The following CCDC148 variants were observed in gnomAD, a reference collection of about 807,000 sequenced individuals.
CCDC148 encodes the protein coiled-coil domain-containing protein 148.
A neutral mutation model predicts 85.7 loss-of-function variants in CCDC148; 89 were observed. The observed-to-expected ratio is 1.04, with a 90% CI of 0.87 to 1.24. The LOEUF is 1.24. CCDC148 is among the 50% of genes most tolerant of loss of function. The pLI is 0.00. For synonymous variants in CCDC148, 230 were observed against 213.9 expected (o/e 1.08, Z -0.66); for missense variants, 692 against 671.7 (o/e 1.03, Z -0.33).
At chr2:158,383,024 G>A (rs1418424809) in intron 1 of CCDC148, among the ~76,000 whole-genome samples, 1 of 151,806 alleles carries the variant, frequency 6.6e-6, no homozygotes, top group Non-Finnish European at 1.5e-5. Flanking sequence ...CATAGGCTGG[G>A]TGCAGTGGCT....
chr2:158,287,232 T>G (rs1244654604), intron 9 of CCDC148, among the ~76,000 whole-genome samples: 1 of 151,978 alleles, frequency 6.6e-6, no homozygotes, highest in African/African-American at 2.4e-5. Context: ...AAGTTGAGAT[T>G]TGGGTGGGGA....
intron 11 of CCDC148, among the ~76,000 whole-genome samples, chr2:158,189,980 G>T (rs1685342775): frequency 6.6e-6 from 1 of 151,952 alleles, no homozygotes; most frequent in African/African-American, 2.4e-5. Flanking sequence ...TAAGCTGTAG[G>T]TAAATAACAG....
chr2:158,329,744 T>A (rs1408687896), intron 7 of CCDC148, among the ~76,000 whole-genome samples: 1 of 152,108 alleles, frequency 6.6e-6, no homozygotes, highest in Non-Finnish European at 1.5e-5. Flanking sequence ...TAAGTTGGAT[T>A]CCTAGGTATT....
intron 9 of CCDC148, among the ~76,000 whole-genome samples, chr2:158,270,418 T>C (rs1335553144): frequency 3.3e-5 from 5 of 152,102 alleles, no homozygotes; most frequent in Non-Finnish European, 7.4e-5. Flanking sequence ...CACAAGCAAA[T>C]AGCAAAGGAT....
At chr2:158,243,854 T>C (rs371866871) in intron 10 of CCDC148, among the ~76,000 whole-genome samples, 1 of 151,846 alleles carries the variant, frequency 6.6e-6, no homozygotes, top group Non-Finnish European at 1.5e-5. Flanking sequence ...TTCTTTTTAC[T>C]ATAAGCAGCA....
At chr2:158,352,342 A>G (rs1002722955) in intron 2 of CCDC148, among the ~76,000 whole-genome samples, 1 of 152,114 alleles carries the variant, frequency 6.6e-6, no homozygotes, top group African/African-American at 2.4e-5. Context: ...AATTTAGAAG[A>G]ATGTATAACT....
At chr2:158,179,020 G>T (rs1166297292) in intron 11 of CCDC148, 24 bp from the exon 12 acceptor site, 1 of 1,542,088 alleles carries the variant, frequency 6.5e-7, no homozygotes. Flanking sequence ...ACAGAAGGAA[G>T]TTGTGGAAGC....
chr2:158,275,565 G>A (rs1264802345), intron 9 of CCDC148, among the ~76,000 whole-genome samples: 1 of 152,144 alleles, frequency 6.6e-6, no homozygotes, highest in African/African-American at 2.4e-5. Context: ...GAGGCCTAAC[G>A]GTTCTGTGGC....
intron 11 of CCDC148, among the ~76,000 whole-genome samples, chr2:158,193,481 AT>A (rs1202387486): frequency 6.6e-6 from 1 of 151,358 alleles, no homozygotes; most frequent in Admixed American, 6.6e-5. Flanking sequence ...AGCTCACAGT[AT>A]TTTTTTTTAA....
intron 11 of CCDC148, among the ~76,000 whole-genome samples, chr2:158,189,596 G>A (rs1685322833): frequency 6.6e-6 from 1 of 151,890 alleles, no homozygotes; most frequent in Admixed American, 6.6e-5. Flanking sequence ...ATGGTGGAGT[G>A]CATTATGAAT....
chr2:158,429,952 T>C (rs1277850888), intron 1 of CCDC148, among the ~76,000 whole-genome samples: 2 of 152,148 alleles, frequency 1.3e-5, no homozygotes, highest in African/African-American at 4.8e-5. Flanking sequence ...GTCAGGGAAG[T>C]GAAGGCATCT....
chr2:158,311,278 C>A (rs185393251), intron 8 of CCDC148, among the ~76,000 whole-genome samples: 1 of 152,304 alleles, frequency 6.6e-6, no homozygotes, highest in Admixed American at 6.5e-5. Flanking sequence ...GAGACCAGCC[C>A]GGCCAACACG....
intron 11 of CCDC148, among the ~76,000 whole-genome samples, chr2:158,194,446 A>G (rs1685569431): frequency 6.6e-6 from 1 of 152,152 alleles, no homozygotes; most frequent in African/African-American, 2.4e-5. Flanking sequence ...CTGTCTCACC[A>G]GCAGGGGCCC....
intron 3 of CCDC148, among the ~76,000 whole-genome samples, chr2:158,344,028 C>T (rs748544053): frequency 9.9e-5 from 15 of 151,980 alleles, no homozygotes; most frequent in East Asian, 1.9e-4. Flanking sequence ...TTAAGAAAGA[C>T]GTGGAATAGC....
chr2:158,402,821 G>A (rs1685841776), intron 1 of CCDC148, among the ~76,000 whole-genome samples: 1 of 152,054 alleles, frequency 6.6e-6, no homozygotes. Context: ...TTTCAGGGCT[G>A]ATTAGAAAGT....
At chr2:158,186,471 C>T (rs1685160994) in intron 11 of CCDC148, among the ~76,000 whole-genome samples, 1 of 152,010 alleles carries the variant, frequency 6.6e-6, no homozygotes. Flanking sequence ...ACACTGTCAC[C>T]CATTTAACCT....
intron 9 of CCDC148, among the ~76,000 whole-genome samples, chr2:158,267,018 C>A (rs936207214): frequency 1.3e-5 from 2 of 151,302 alleles, no homozygotes; most frequent in Non-Finnish European, 2.9e-5. Flanking sequence ...TGAAATTATA[C>A]CCACATTCTT....
At chr2:158,261,530 A>C (rs1368884984) in intron 9 of CCDC148, among the ~76,000 whole-genome samples, 1 of 152,142 alleles carries the variant, frequency 6.6e-6, no homozygotes, top group African/African-American at 2.4e-5. Flanking sequence ...GCATCTAATT[A>C]AACTTTAGAG....
chr2:158,424,389 A>T (rs974028208), intron 1 of CCDC148, among the ~76,000 whole-genome samples: 3 of 152,196 alleles, frequency 2.0e-5, no homozygotes, highest in African/African-American at 7.2e-5. Flanking sequence ...ATGCAGCCAT[A>T]AAAAAGGATG....
Sources: allele counts gnomAD v4.1 joint callset (sites outside exome capture counted in the v4.1 genomes callset), GRCh38; gene constraint gnomAD v4.1.1; transcripts MANE v1.5; gene names NCBI Gene and HGNC (gene_info 2026-07-23, HGNC 2026-07-21).